PCGF5: variants seen among roughly 807,000 people sequenced by gnomAD.
PCGF5 encodes polycomb group ring finger 5.
In PCGF5, 9 loss-of-function variants were observed where a neutral mutation model predicts 44.3. That is an observed-to-expected ratio of 0.20 (90% CI 0.12 to 0.35). PCGF5 has a LOEUF of 0.35. PCGF5 is among the 10% of genes least tolerant of loss of function. The probability of loss-of-function intolerance (pLI) is 1.00; values close to 1 mark genes in which losing one functional copy is unlikely to be tolerated. For synonymous variants in PCGF5, 95 were observed against 102.5 expected (o/e 0.93, Z 0.44); for missense variants, 146 against 305.3 (o/e 0.48, Z 3.89).
chr10:91,255,240 G>A (rs563860837), intron 6 of PCGF5, among the ~76,000 whole-genome samples: 18 of 152,200 alleles, frequency 1.2e-4, no homozygotes, highest in African/African-American at 4.3e-4. Context: ...ACTGCCTGAG[G>A]TATAGATAAC....
At chr10:91,264,747 A>G (rs1037291410) in intron 8 of PCGF5, among the ~76,000 whole-genome samples, 2 of 152,176 alleles carry the variant, frequency 1.3e-5, no homozygotes, top group African/African-American at 4.8e-5. Context: ...TTAAAACCCT[A>G]TCTAAATATG....
intron 1 of PCGF5, among the ~76,000 whole-genome samples, chr10:91,207,059 T>C (rs1413694778): frequency 6.6e-6 from 1 of 152,224 alleles, no homozygotes; most frequent in Non-Finnish European, 1.5e-5. Flanking sequence ...TTTCCTGTGC[T>C]GAGAACATAG....
intron 1 of PCGF5, among the ~76,000 whole-genome samples, chr10:91,168,756 G>A (rs961646518): frequency 6.6e-6 from 1 of 151,558 alleles, no homozygotes; most frequent in Non-Finnish European, 1.5e-5. Context: ...GTGAAACCCC[G>A]TCTCTACTAA....
At chr10:91,219,656 C>T (rs992786755), upstream of PCGF5, among the ~76,000 whole-genome samples, 6 of 152,168 alleles carry the variant, frequency 3.9e-5, no homozygotes, top group African/African-American at 1.2e-4. Context: ...AAGGACTATA[C>T]GAATGTGGTC....
chr10:91,274,985 A>G (rs114733039), intron 9 of PCGF5, among the ~76,000 whole-genome samples: 1,907 of 152,290 alleles, frequency 0.013, 45 homozygotes, highest in African/African-American at 0.042. Context: ...ATTTTAAATG[A>G]TACTATAAAA....
In PCGF5 at chr10:91,283,448, T is replaced by C. The variant is rs988883347; in HGVS notation, c.*5132T>C. On this transcript the variant is annotated 3_prime_UTR_variant, in exon 10 of 10. Coordinates refer to ENST00000336126, the MANE Select transcript of PCGF5 (RefSeq NM_032373.5). ...AAATACTGAGTCTAGTTTTCTTCCA[T>C]CTTATGGAGCTTCATGGAATAAGAA... 3 of 152,202 alleles carry C rather than the reference T, an allele frequency of 2.0e-5. No homozygotes were observed. Among genetic ancestry groups the C allele is most frequent in the African/African-American group, 7.2e-5 (3 of 41,454 alleles). 9.4% of individuals were successfully genotyped at this position (152,202 alleles called of 1,614,324 possible).
intron 6 of PCGF5, among the ~76,000 whole-genome samples, chr10:91,254,320 AC>A (rs1845696950): frequency 6.6e-6 from 1 of 151,310 alleles, no homozygotes; most frequent in Admixed American, 6.6e-5. Context: ...ACTTTGAACA[AC>A]CCTTCCTTTT....
In PCGF5 at chr10:91,163,870, C is replaced by T. The variant is rs914662258; in HGVS notation, c.-184+789C>T. On this transcript the variant is annotated intron_variant, in intron 1 of 9. Transcript: ENST00000614189. ...GGGGGGGCACGGACGGACGTGCCCG[C>T]TGCTCCCATCCCCTCCCCGCCAACA... Among the ~76,000 whole-genome samples the T allele has an allele frequency of 2.4e-4, 36 of 152,262 alleles. No individual in the cohort carries two copies. The South Asian group carries it at 3.7e-3, about 16-fold the overall frequency.
At chr10:91,205,081 T>C (rs1352964586) in intron 1 of PCGF5, among the ~76,000 whole-genome samples, 1 of 152,226 alleles carries the variant, frequency 6.6e-6, no homozygotes, top group Non-Finnish European at 1.5e-5. Flanking sequence ...AGGTTGCTAA[T>C]TCTTATGGTC....
At chr10:91,160,623 GGGA>G (rs1052157824), upstream of PCGF5, among the ~76,000 whole-genome samples, 1 of 152,074 alleles carries the variant, frequency 6.6e-6, no homozygotes, top group Admixed American at 6.5e-5. Flanking sequence ...ACAAGAAGAG[GGGA>G]GAAGAGACTC....
chr10:91,242,698 C>T (rs913503904), intron 3 of PCGF5, among the ~76,000 whole-genome samples: 5 of 152,052 alleles, frequency 3.3e-5, no homozygotes, highest in Admixed American at 1.3e-4. Flanking sequence ...TTCTTAGTAA[C>T]GTTTTATCTC....
upstream of PCGF5, among the ~76,000 whole-genome samples, chr10:91,215,619 TC>T (rs1844526422): frequency 2.0e-5 from 3 of 152,378 alleles, no homozygotes; most frequent in Admixed American, 2.0e-4. Flanking sequence ...CTTCAGGGCC[TC>T]TTCTCAGAGC....
At chr10:91,251,174 C>T in intron 5 of PCGF5, 118 bp from the exon 6 acceptor site, 2 of 670,364 alleles carry the variant, frequency 3.0e-6, no homozygotes, top group Non-Finnish European at 4.6e-6. Flanking sequence ...AGTTCTTCTT[C>T]AAAAACTGTT....
At chr10:91,251,223 A>G in intron 5 of PCGF5, 69 bp from the exon 6 acceptor site, 1 of 1,305,540 alleles carries the variant, frequency 7.7e-7, no homozygotes, top group Non-Finnish European at 1.1e-6. Flanking sequence ...TTGATTATCA[A>G]TGTATGATTG....
chr10:91,221,039 G>A (rs1844660903), intron 1 of PCGF5, among the ~76,000 whole-genome samples: 1 of 151,638 alleles, frequency 6.6e-6, no homozygotes, highest in Admixed American at 6.6e-5. Context: ...GGCCGGCTGC[G>A]GACGCCGGCC....
At chr10:91,254,539 T>C (rs1438549912) in intron 6 of PCGF5, among the ~76,000 whole-genome samples, 1 of 152,040 alleles carries the variant, frequency 6.6e-6, no homozygotes, top group African/African-American at 2.4e-5. Flanking sequence ...TTTATATGTG[T>C]GTTGTCCTTG....
rs11404081 is a variant in PCGF5, at chr10:91,204,334, TA to T, written c.-183-18346del. Among the ~76,000 whole-genome samples, 636 of 150,874 alleles carry T rather than the reference TA, an allele frequency of 4.2e-3. 5 individuals are homozygous for T. The highest frequency in any genetic ancestry group is 0.015 in the African/African-American group (601 of 41,260). On this transcript the variant is annotated intron_variant, in intron 1 of 9. Coordinates refer to the PCGF5 transcript ENST00000614189. Reference sequence around the variant, plus strand: ...CTTAATCTGAATTAAGGTTTTCATTTAAAAAAAAACCCTTACATTAGTCTTT... The same window carrying T: ...CTTAATCTGAATTAAGGTTTTCATTTAAAAAAAACCCTTACATTAGTCTTT...
At chr10:91,199,009 G>A (rs926679982) in intron 1 of PCGF5, among the ~76,000 whole-genome samples, 1 of 152,070 alleles carries the variant, frequency 6.6e-6, no homozygotes, top group Admixed American at 6.5e-5. Context: ...GACCTTTTAT[G>A]TATTTATTGT....
intron 2 of PCGF5, among the ~76,000 whole-genome samples, chr10:91,226,533 A>T (rs1025933335): frequency 2.0e-5 from 3 of 152,124 alleles, no homozygotes; most frequent in African/African-American, 7.2e-5. Flanking sequence ...CTCTGCTTTG[A>T]TATGGGTAAA....
Sources: gnomAD v4.1 joint callset for allele counts (sites outside exome capture counted in the v4.1 genomes callset) on GRCh38, gnomAD v4.1.1 for gene constraint, MANE v1.5 for transcripts, NCBI Gene and HGNC (gene_info 2026-07-23, HGNC 2026-07-21) for gene names.